Variants in OSBPL10 observed in about 807,000 individuals in gnomAD.
OSBPL10 encodes oxysterol-binding protein-related protein 10.
A neutral mutation model predicts 81.7 loss-of-function variants in OSBPL10; 49 were observed. The ratio of observed to expected loss-of-function variants is 0.60; its 90% CI spans 0.48 to 0.76. The LOEUF (loss-of-function observed/expected upper bound fraction) is 0.76. Among genes scored for constraint, OSBPL10 ranks in the 30% least tolerant of loss-of-function variants. The pLI, the probability that OSBPL10 is intolerant of heterozygous loss-of-function variation, is 0.00. For synonymous variants in OSBPL10, 419 were observed against 383.6 expected, an observed-to-expected ratio of 1.09 and a Z score of -1.08; for missense variants, 923 against 987.8, an observed-to-expected ratio of 0.93 and a Z score of 0.88.
Position 32,066,039 on chromosome 3 carries a change from A to G in OSBPL10, n.185+11357T>C, listed in dbSNP as rs543918521. Among the ~76,000 whole-genome samples the G allele has an allele frequency of 2.8e-3, 235 of 85,068 alleles. 44 individuals carry two copies. Among genetic ancestry groups the G allele is most frequent in the African/African-American group, 6.8e-3 (230 of 33,720 alleles). The allele number at this position is 85,068 out of a possible 152,430, so 55.8% of individuals were successfully genotyped here. ...AAAGAAAGAAAGAGAGAGAGAGAGA[A>G]AGAGAAAGAGAAGGTTGCAAGGTTG... On this transcript the variant is annotated intron_variant and non_coding_transcript_variant, in intron 1 of 3. Coordinates refer to the OSBPL10 transcript ENST00000479173.
At chr3:31,950,158 T>A (rs1223822539) in intron 1 of OSBPL10, among the ~76,000 whole-genome samples, 1 of 151,924 alleles carries the variant, frequency 6.6e-6, no homozygotes, top group African/African-American at 2.4e-5. Context: ...TTCAAAAGCA[T>A]CACAAATAAA....
At chr3:31,905,896 A>G (rs1414469053) in intron 1 of OSBPL10, among the ~76,000 whole-genome samples, 2 of 38,264 alleles carry the variant, frequency 5.2e-5, no homozygotes, top group African/African-American at 5.7e-4. Flanking sequence ...TCAAAGAAGG[A>G]AAAAAAAAAA....
chr3:31,966,020 C>A (rs1698391441), intron 1 of OSBPL10, among the ~76,000 whole-genome samples: 1 of 134,312 alleles, frequency 7.4e-6, no homozygotes, highest in African/African-American at 2.8e-5. Flanking sequence ...ATAGGCCAGG[C>A]TCAGTCGCTC....
intron 4 of OSBPL10, among the ~76,000 whole-genome samples, chr3:31,753,854 G>A (rs563122129): frequency 1.3e-5 from 2 of 152,134 alleles, no homozygotes; most frequent in Non-Finnish European, 2.9e-5. Context: ...TGCCTTCCCC[G>A]CTTGGAGACA....
chr3:31,831,925 T>C (rs1431243904), intron 3 of OSBPL10, among the ~76,000 whole-genome samples: 1 of 152,218 alleles, frequency 6.6e-6, no homozygotes, highest in Non-Finnish European at 1.5e-5. Flanking sequence ...TATGTCCCTG[T>C]TAGTCACCGC....
chr3:31,707,801 T>C (rs1696120793), intron 6 of OSBPL10, among the ~76,000 whole-genome samples: 1 of 152,098 alleles, frequency 6.6e-6, no homozygotes, highest in African/African-American at 2.4e-5. Flanking sequence ...GAACAGGCAA[T>C]AACATGCACT....
At chr3:31,752,509 G>A (rs887648497) in intron 4 of OSBPL10, among the ~76,000 whole-genome samples, 1 of 152,066 alleles carries the variant, frequency 6.6e-6, no homozygotes, top group African/African-American at 2.4e-5. Context: ...GTCAGAGAGG[G>A]AATAAAAATT....
At chr3:32,022,617 C>T (rs1699371088) in intron 2 of OSBPL10, among the ~76,000 whole-genome samples, 1 of 152,034 alleles carries the variant, frequency 6.6e-6, no homozygotes, top group Non-Finnish European at 1.5e-5. Context: ...GAAACCCCAT[C>T]TCTACAAAAA....
chr3:31,879,683 A>C lies in OSBPL10; in HGVS notation c.429T>G (p.Ser143=). The change falls in exon 2 of 12, where the codon TCT becomes TCG. Residue 143 remains serine, a synonymous_variant. Coordinates refer to ENST00000396556, the MANE Select transcript of OSBPL10 (RefSeq NM_017784.5). ...TCAGTTTAAACATCTCTCCATTAGC[A>C]GAGTACACCACCAGCATGTGGGGAG... ...DEAPHMLVVY[S]ANGEMFKLRA... 1 of 1,613,918 alleles carries C rather than the reference A, an allele frequency of 6.2e-7. No individual in the cohort carries two copies.
At chr3:31,882,676 C>G (rs1265362848) in intron 1 of OSBPL10, among the ~76,000 whole-genome samples, 1 of 152,154 alleles carries the variant, frequency 6.6e-6, no homozygotes, top group Non-Finnish European at 1.5e-5. Flanking sequence ...CACGCACACA[C>G]ACACACACAC....
At chr3:31,895,772 C>G (rs954520719) in intron 1 of OSBPL10, among the ~76,000 whole-genome samples, 1 of 152,166 alleles carries the variant, frequency 6.6e-6, no homozygotes, top group Admixed American at 6.5e-5. Flanking sequence ...CTTCAAGAAA[C>G]GTACAGATAT....
At chr3:31,923,643 T>C (rs866520978) in intron 1 of OSBPL10, among the ~76,000 whole-genome samples, 1 of 152,028 alleles carries the variant, frequency 6.6e-6, no homozygotes, top group Non-Finnish European at 1.5e-5. Context: ...TTTTTAAAAA[T>C]AGCTGATTTG....
At chr3:31,821,818 C>G (rs974703565) in intron 4 of OSBPL10, among the ~76,000 whole-genome samples, 3 of 152,200 alleles carry the variant, frequency 2.0e-5, no homozygotes, top group African/African-American at 7.2e-5. Context: ...TCTGCCAGTA[C>G]AGATCACTAC....
intron 2 of OSBPL10, among the ~76,000 whole-genome samples, chr3:32,002,623 A>G (rs1282364127): frequency 6.6e-6 from 1 of 152,188 alleles, no homozygotes; most frequent in Non-Finnish European, 1.5e-5. Flanking sequence ...TTGGTGACTT[A>G]GATCCTCCAG....
intron 2 of OSBPL10, among the ~76,000 whole-genome samples, chr3:31,996,499 G>GC (rs1321586631): frequency 1.4e-5 from 1 of 73,544 alleles, no homozygotes; most frequent in African/African-American, 1.8e-4. Context: ...TAAATTGCCA[G>GC]GGGGAGAAGG....
At chr3:31,720,106 T>C (rs1022603925) in intron 6 of OSBPL10, among the ~76,000 whole-genome samples, 8 of 150,840 alleles carry the variant, frequency 5.3e-5, no homozygotes, top group African/African-American at 1.7e-4. Context: ...AAAAACAAAT[T>C]TCCCATAAAA....
chr3:31,891,793 T>A, intron 1 of OSBPL10, among the ~76,000 whole-genome samples: 1 of 152,200 alleles, frequency 6.6e-6, no homozygotes, highest in East Asian at 1.9e-4. Context: ...TGGATAAGTT[T>A]ATTCAGGTAA....
chr3:31,758,904 G>A (rs1697958404), intron 4 of OSBPL10, among the ~76,000 whole-genome samples: 1 of 152,154 alleles, frequency 6.6e-6, no homozygotes, highest in Admixed American at 6.5e-5. Flanking sequence ...TCTGGCCAGA[G>A]ACTATGCTTC....
intron 1 of OSBPL10, among the ~76,000 whole-genome samples, chr3:32,057,398 G>A (rs1699720596): frequency 6.6e-6 from 1 of 152,074 alleles, no homozygotes; most frequent in Admixed American, 6.6e-5. Context: ...ACTTGTATTA[G>A]TCCATTTTCA....
Sources: gnomAD v4.1 joint callset for allele counts (sites outside exome capture counted in the v4.1 genomes callset) on GRCh38, gnomAD v4.1.1 for gene constraint, MANE v1.5 for transcripts, NCBI Gene and HGNC (gene_info 2026-07-23, HGNC 2026-07-21) for gene names.